The following NSUN7 variants were observed in gnomAD, a reference collection of about 807,000 sequenced individuals.
NSUN7 encodes the protein NOP2/Sun RNA methyltransferase family member 7.
NSUN7 carries 39 observed loss-of-function variants against 58.5 expected under a neutral mutation model. That is an observed-to-expected ratio of 0.67 (90% CI 0.52 to 0.87). The LOEUF is 0.87. Among genes scored for constraint, NSUN7 ranks in the 40% least tolerant of loss-of-function variants. NSUN7 has a pLI of 0.00. For synonymous variants in NSUN7, 278 were observed against 303.7 expected (o/e 0.92, Z 0.88); for missense variants, 765 against 844.1 (o/e 0.91, Z 1.16).
intron 2 of NSUN7, among the ~76,000 whole-genome samples, chr4:40,755,210 C>T (rs1741080269): frequency 6.6e-6 from 1 of 152,178 alleles, no homozygotes; most frequent in Non-Finnish European, 1.5e-5. Context: ...CTGCCTCAGC[C>T]TCCCTAGTAG....
intron 2 of NSUN7, among the ~76,000 whole-genome samples, chr4:40,760,137 A>G (rs1741379000): frequency 6.6e-6 from 1 of 152,208 alleles, no homozygotes; most frequent in South Asian, 2.1e-4. Flanking sequence ...ATCCTCTTTA[A>G]TATTTTTCAA....
At chr4:40,800,774 T>C (rs563163876) in intron 10 of NSUN7, among the ~76,000 whole-genome samples, 226 of 152,358 alleles carry the variant, frequency 1.5e-3, no homozygotes, top group African/African-American at 5.3e-3. Flanking sequence ...TTTAAACATA[T>C]TTCTGTTAAA....
intron 7 of NSUN7, among the ~76,000 whole-genome samples, chr4:40,780,282 A>AATTC (rs202047306): frequency 1.6e-4 from 24 of 150,424 alleles, no homozygotes; most frequent in African/African-American, 1.2e-4. Flanking sequence ...TCCGTCTCAT[A>AATTC]AATCAATCAA....
At chr4:40,761,074 C>G (rs1330805754) in intron 3 of NSUN7, 97 bp from the exon 4 acceptor site, 1 of 947,826 alleles carries the variant, frequency 1.1e-6, no homozygotes, top group Admixed American at 2.7e-5. Flanking sequence ...CGTATTCCTG[C>G]TCTGTTATGA....
In NSUN7 at chr4:40,774,883, T is replaced by G; in HGVS notation, c.758T>G (p.Phe253Cys). 1 of 1,352,764 alleles carries G rather than the reference T, an allele frequency of 7.4e-7. No homozygotes were observed. Among genetic ancestry groups the G allele is most frequent in the South Asian group, 1.2e-5 (1 of 84,664 alleles). The allele number at this position is 1,352,764 out of a possible 1,614,324, so 83.8% of individuals were successfully genotyped here. A position where few individuals can be genotyped will look rare whatever the true frequency, so the allele number is the denominator to read the frequency against. ...CAACATTGCTATGATGTCTTAATTT[T>G]TCCATCTCATCTTAAAAATGATCTT... ...VDQHCYDVLI[F>C]PSHLKNDLIN... Residue 253 changes from phenylalanine (F) to cysteine (C), a missense_variant, in exon 6 of 12, where the codon TTT becomes TGT. Physicochemically the swap from Phe to Cys is radical, Grantham distance 205. Coordinates refer to ENST00000381782, the MANE Select transcript of NSUN7 (RefSeq NM_024677.6).
At chr4:40,762,245 A>G (rs1482216412) in intron 4 of NSUN7, among the ~76,000 whole-genome samples, 1 of 152,216 alleles carries the variant, frequency 6.6e-6, no homozygotes, top group African/African-American at 2.4e-5. Flanking sequence ...TTGTTATAGC[A>G]GTGCAAAATG....
intron 4 of NSUN7, among the ~76,000 whole-genome samples, chr4:40,764,227 C>G (rs6843519): frequency 1.9e-5 from 2 of 107,410 alleles, no homozygotes; most frequent in African/African-American, 7.2e-5. Flanking sequence ...TCCCTCCCCC[C>G]TCCCCCCACC....
rs1271453616 is a variant in NSUN7 at position 40,775,824 on chromosome 4, G to GC, written c.826-225_826-224insC. On this transcript the variant is annotated intron_variant, in intron 6 of 11. Coordinates refer to ENST00000381782, the MANE Select transcript of NSUN7 (RefSeq NM_024677.6). The surrounding 1 kb of genome is among the most constrained non-coding windows in gnomAD (Gnocchi z 4.3). ...CTGGCATTGCTTTATACAAAACTTA[G>GC]ACAGTAACAGTCATAATTTAGGCTA... 6.6e-6 allele frequency among the ~76,000 whole-genome samples: 1 copy of GC among 152,136 alleles called. No homozygotes were observed. The highest frequency in any genetic ancestry group is 2.4e-5 in the African/African-American group (1 of 41,434).
Position 40,808,483 on chromosome 4 carries a change from T to C in NSUN7, c.1701T>C (p.Ala567=). Reference sequence around the variant, plus strand: ...ATAATGGCATCCAAATGAAAATTGCTGAGTTCCTGAATCGAGAAACTAAAG... The same window carrying C: ...ATAATGGCATCCAAATGAAAATTGCCGAGTTCCTGAATCGAGAAACTAAAG... ...TTDNGIQMKI[A]EFLNRETKAS... The change falls in exon 12 of 12, where the codon GCT becomes GCC. Residue 567 remains alanine (A), a synonymous_variant. Transcript: ENST00000381782. 2 of 1,569,450 alleles carry C rather than the reference T, an allele frequency of 1.3e-6. No homozygotes were observed. Among genetic ancestry groups the C allele is most frequent in the South Asian group, 2.3e-5 (2 of 86,900 alleles).
At chr4:40,807,350 C>CT (rs372231273) in intron 11 of NSUN7, among the ~76,000 whole-genome samples, 166 bp downstream of exon 11, 19,431 of 139,752 alleles carry the variant, frequency 0.14, 1,438 homozygotes, top group Non-Finnish European at 0.17. Flanking sequence ...AAGCCCTGTT[C>CT]TTTTTTTTTT....
Position 40,809,750 on chromosome 4 carries a change from A to C in NSUN7, c.*811A>C, listed in dbSNP as rs1174094389. 2 of 152,252 alleles carry C rather than the reference A, an allele frequency of 1.3e-5. No homozygotes were observed. Among genetic ancestry groups the C allele is most frequent in the African/African-American group, 4.8e-5 (2 of 41,470 alleles). The allele number at this position is 152,252 out of a possible 1,614,324, so 9.4% of individuals were successfully genotyped here. On this transcript the variant is annotated 3_prime_UTR_variant, in exon 12 of 12. Transcript: ENST00000381782. ...AAATTTCTGATTCTAAGATCAGGGG[A>C]TACAACAAAATCTACAAGTCATTTC...
intron 4 of NSUN7, among the ~76,000 whole-genome samples, chr4:40,773,682 C>CA (rs748446945): frequency 0.022 from 2,581 of 115,952 alleles, 66 homozygotes; most frequent in African/African-American, 0.073. Context: ...GACTCTATCT[C>CA]AAAAAAAAAA....
intron 10 of NSUN7, among the ~76,000 whole-genome samples, chr4:40,804,438 C>CAAAAAA (rs397817300): frequency 9.2e-6 from 1 of 109,270 alleles, no homozygotes; most frequent in South Asian, 2.8e-4. Flanking sequence ...GACTCCATCT[C>CAAAAAA]AAAAAAAAAA....
chr4:40,803,791 C>G (rs1424059775), intron 10 of NSUN7, among the ~76,000 whole-genome samples: 1 of 152,182 alleles, frequency 6.6e-6, no homozygotes, highest in East Asian at 1.9e-4. Flanking sequence ...TCATCCAGTT[C>G]TCCCAGCAAC....
chr4:40,751,018 A>G, intron 2 of NSUN7, 27 bp downstream of exon 2: 1 of 1,603,064 alleles, frequency 6.2e-7, no homozygotes, highest in Non-Finnish European at 8.5e-7. Context: ...TGGAAGATCA[A>G]CACTAAAAGA....
At chr4:40,790,522 C>A in intron 7 of NSUN7, 80 bp from the exon 8 acceptor site, 2 of 895,568 alleles carry the variant, frequency 2.2e-6, no homozygotes, top group Non-Finnish European at 3.3e-6. Flanking sequence ...TTAAAATGTA[C>A]AATAAATAGA....
intron 7 of NSUN7, among the ~76,000 whole-genome samples, chr4:40,787,425 A>G (rs1247375193): frequency 6.6e-6 from 1 of 152,122 alleles, no homozygotes; most frequent in African/African-American, 2.4e-5. Context: ...AAGAAAAAGA[A>G]CATAAAACAA....
At chr4:40,796,336 C>CTAAA (rs749051813) in intron 9 of NSUN7, among the ~76,000 whole-genome samples, 11 of 151,076 alleles carry the variant, frequency 7.3e-5, no homozygotes, top group African/African-American at 2.2e-4. Flanking sequence ...GACTCTGTCT[C>CTAAA]TAAATAAATA....
chr4:40,776,645 T>C (rs1311745464), intron 7 of NSUN7, among the ~76,000 whole-genome samples: 1 of 152,112 alleles, frequency 6.6e-6, no homozygotes, highest in Non-Finnish European at 1.5e-5. Context: ...AGATAAAGTC[T>C]TACTTTGTTG....
Sources: gnomAD v4.1 joint callset for allele counts (sites outside exome capture counted in the v4.1 genomes callset) on GRCh38, gnomAD v4.1.1 for gene constraint, Gnocchi (gnomAD v3.1) non-coding constraint, MANE v1.5 for transcripts, NCBI Gene and HGNC (gene_info 2026-07-23, HGNC 2026-07-21) for gene names.